The following TDRD5 variants were observed in gnomAD, a reference collection of about 807,000 sequenced individuals.
The protein encoded by TDRD5 is tudor domain containing 5, also known as tudor domain-containing protein 5.
A neutral mutation model predicts 120.6 loss-of-function variants in TDRD5; 41 were observed. That is an observed-to-expected ratio of 0.34 (90% CI 0.26 to 0.44). The LOEUF (loss-of-function observed/expected upper bound fraction) is 0.44, where lower values mean the gene tolerates loss of function less well. TDRD5 is among the 20% of genes least tolerant of loss of function. The pLI, the probability that TDRD5 is intolerant of heterozygous loss-of-function variation, is 1.00. For missense variants in TDRD5, 1,006 were observed against 1,221.2 expected (o/e 0.82, Z 2.63); for synonymous variants, 430 against 433.7 (o/e 0.99, Z 0.11).
chr1:179,616,050 A>C (rs537303861), intron 4 of TDRD5, among the ~76,000 whole-genome samples: 2 of 152,238 alleles, frequency 1.3e-5, no homozygotes, highest in African/African-American at 4.8e-5. Flanking sequence ...TTCACATGTC[A>C]CAAATAATAC....
At chr1:179,668,574 T>G (rs894826072) in intron 16 of TDRD5, among the ~76,000 whole-genome samples, 1 of 152,142 alleles carries the variant, frequency 6.6e-6, no homozygotes, top group Non-Finnish European at 1.5e-5. Flanking sequence ...CACGGGGTGC[T>G]CAGTGAACAT....
intron 14 of TDRD5, among the ~76,000 whole-genome samples, chr1:179,658,113 G>A (rs187361935): frequency 2.0e-5 from 3 of 152,174 alleles, no homozygotes; most frequent in East Asian, 3.9e-4. Flanking sequence ...CTTCTTTCAT[G>A]TAACATAATG....
rs149728808 is a variant in TDRD5, at chr1:179,659,291, T to G, written c.2323-2813T>G. The stretch of plus-strand genomic sequence containing the variant: ...TGTTCAGTTCTTCTGATCCTTGCTA[T>G]CTACCGATTTTGTTGATTACTGAGA... On this transcript the variant is annotated intron_variant, in intron 14 of 17. Transcript: ENST00000444136. Among the ~76,000 whole-genome samples the G allele has an allele frequency of 2.2e-3, 337 of 152,354 alleles. 6 individuals carry two copies. Among genetic ancestry groups the G allele is most frequent in the African/African-American group, 7.6e-3 (318 of 41,576 alleles).
chr1:179,669,960 T>C (rs1679769462), intron 17 of TDRD5, among the ~76,000 whole-genome samples: 1 of 152,268 alleles, frequency 6.6e-6, no homozygotes, highest in African/African-American at 2.4e-5. Flanking sequence ...TTCAGTTACA[T>C]GGATATACCA....
chr1:179,593,369 G>C, intron 2 of TDRD5, 91 bp from the exon 3 acceptor site: 5 of 1,371,448 alleles, frequency 3.6e-6, no homozygotes, highest in Non-Finnish European at 4.9e-6. Context: ...CAGCTCCTTG[G>C]AGAGTTAAAA....
At chr1:179,647,049 C>A (rs1487254086) in intron 11 of TDRD5, among the ~76,000 whole-genome samples, 1 of 150,666 alleles carries the variant, frequency 6.6e-6, no homozygotes, top group Non-Finnish European at 1.5e-5. Context: ...AGATTCAATG[C>A]CATCTCCATC....
rs756135442 is a variant in TDRD5 at position 179,621,127 on chromosome 1, A to G, written c.972+36A>G. 6.4e-6 allele frequency: 10 copies of G among 1,564,184 alleles called. No homozygotes were observed. The East Asian group carries it at 1.6e-4, about 26-fold the overall frequency. On this transcript the variant is annotated intron_variant, in intron 6 of 17. Coordinates refer to ENST00000444136, the MANE Select transcript of TDRD5 (RefSeq NM_001199085.3). ...TGCTTTTCCCCAACCCTAATTTTTTATGGCTTATATTTCTTGTGATAGATG... is the reference window on the plus strand; with the variant it reads ...TGCTTTTCCCCAACCCTAATTTTTTGTGGCTTATATTTCTTGTGATAGATG...
At chr1:179,595,404 G>A (rs557483489) in intron 3 of TDRD5, among the ~76,000 whole-genome samples, 3 of 152,152 alleles carry the variant, frequency 2.0e-5, no homozygotes, top group African/African-American at 7.2e-5. Flanking sequence ...ATAGCCCCAA[G>A]CTTTTGGTAA....
intron 4 of TDRD5, among the ~76,000 whole-genome samples, chr1:179,601,718 A>AT (rs1255772933): frequency 6.6e-6 from 1 of 152,208 alleles, no homozygotes; most frequent in Non-Finnish European, 1.5e-5. Context: ...TTGTGCTGCT[A>AT]TAAATGTGCA....
intron 13 of TDRD5, 130 bp downstream of exon 13, chr1:179,652,327 G>T: frequency 1.1e-6 from 1 of 905,618 alleles, no homozygotes; most frequent in South Asian, 1.9e-5. Flanking sequence ...TTAACAATTT[G>T]TCTCTTTATT....
chr1:179,595,316 T>C (rs537667312), intron 3 of TDRD5, among the ~76,000 whole-genome samples: 2 of 152,222 alleles, frequency 1.3e-5, no homozygotes, highest in Non-Finnish European at 2.9e-5. Context: ...TTTTGTCTCC[T>C]AAATGGGATA....
chr1:179,592,544 T>C (rs1675167473), intron 1 of TDRD5, 58 bp from the exon 2 acceptor site: 1 of 1,375,918 alleles, frequency 7.3e-7, no homozygotes, highest in African/African-American at 1.4e-5. Context: ...ATTGGTTTTT[T>C]TTTAAATCTT....
chr1:179,635,829 A>C lies in TDRD5; in HGVS notation c.1462A>C (p.Ile488Leu). 1 of 1,613,834 alleles carries C rather than the reference A, an allele frequency of 6.2e-7. No individual in the cohort carries two copies. Among genetic ancestry groups the C allele is most frequent in the Non-Finnish European group, 8.5e-7 (1 of 1,179,964 alleles). ...TATCATCTCTCCTAGTCAATTCTAC[A>C]TCCGGATCTATAGCAGGGATTCGTC... ...EYIISPSQFY[I>L]RIYSRDSSEL... The change falls in exon 9 of 18, where the codon ATC becomes CTC. Residue 488 changes from isoleucine (I) to leucine (L), a missense_variant. Coordinates refer to ENST00000444136, the MANE Select transcript of TDRD5 (RefSeq NM_001199085.3).
In TDRD5 at chr1:179,669,556, C is replaced by A. The variant is rs766318253; in HGVS notation, c.2860+152C>A. The A allele has an allele frequency of 2.4e-4, 233 of 953,214 alleles. 1 individual carries two copies. Among genetic ancestry groups the A allele is most frequent in the Non-Finnish European group, 3.3e-4 (218 of 653,346 alleles). The allele number at this position is 953,214 out of a possible 1,614,324, so 59.0% of individuals were successfully genotyped here. On this transcript the variant is annotated intron_variant, in intron 17 of 17. Transcript: ENST00000444136. ...GTTAAGTCCTTGTTTTATGTTTGGG[C>A]TCAATTGTTCCTTTAACTTTGCCAC...
Position 179,638,153 on chromosome 1 carries a change from G to GTAAATACCCAGTT in TDRD5, c.1521-1686_1521-1685insTAAATACCCAGTT, listed in dbSNP as rs1292450141. On this transcript the variant is annotated intron_variant, in intron 9 of 17. Transcript: ENST00000444136. ...AAAAGCTAGATTCTGAATACCATGG[G>GTAAATACCCAGTT]AAGATGTTTTCTCTTATTCTGGGGA... 7.1e-4 allele frequency among the ~76,000 whole-genome samples: 95 copies of GTAAATACCCAGTT among 133,124 alleles called. 1 individual carries two copies. The highest frequency in any genetic ancestry group is 1.6e-3 in the East Asian group (7 of 4,476). The allele number at this position is 133,124 out of a possible 152,430, so 87.3% of individuals were successfully genotyped here.
intron 4 of TDRD5, among the ~76,000 whole-genome samples, chr1:179,611,359 G>A (rs1427524404): frequency 1.3e-5 from 2 of 151,952 alleles, no homozygotes; most frequent in East Asian, 1.9e-4. Context: ...TTGTGATACT[G>A]TTTTTGCCAT....
chr1:179,681,392 T>A (rs1415523759), intron 17 of TDRD5, among the ~76,000 whole-genome samples: 1 of 152,078 alleles, frequency 6.6e-6, no homozygotes, highest in East Asian at 1.9e-4. Flanking sequence ...TTTAAATACA[T>A]CGTAAACCCC....
chr1:179,685,125 A>G (rs534649155), intron 17 of TDRD5, among the ~76,000 whole-genome samples: 7 of 152,196 alleles, frequency 4.6e-5, no homozygotes, highest in East Asian at 1.9e-4. Flanking sequence ...GCCCATGCCT[A>G]TGCCCTGAAT....
intron 4 of TDRD5, 114 bp downstream of exon 4, chr1:179,595,932 T>G: frequency 9.2e-7 from 1 of 1,084,398 alleles, no homozygotes; most frequent in Non-Finnish European, 1.3e-6. Flanking sequence ...ATTCACTTAT[T>G]TCAAATTTGA....
Sources: gnomAD v4.1 joint callset for allele counts (sites outside exome capture counted in the v4.1 genomes callset) on GRCh38, gnomAD v4.1.1 for gene constraint, MANE v1.5 for transcripts, NCBI Gene and HGNC (gene_info 2026-07-23, HGNC 2026-07-21) for gene names.